UNC13B: variants seen among roughly 807,000 people sequenced by gnomAD.
UNC13B encodes the protein protein unc-13 homolog B.
In UNC13B, 144 loss-of-function variants were observed where a neutral mutation model predicts 211.0. That is an observed-to-expected ratio of 0.68 (90% CI 0.60 to 0.78). UNC13B has a LOEUF of 0.78. UNC13B is among the 30% of genes least tolerant of loss of function. The pLI, the probability that UNC13B is intolerant of heterozygous loss-of-function variation, is 0.00. For synonymous variants in UNC13B, 709 were observed against 725.8 expected (o/e 0.98, Z 0.37); for missense variants, 1,777 against 2,002.0 (o/e 0.89, Z 2.14).
At position 35,297,547 on chromosome 9, in the gene UNC13B, C is replaced by CTT. The variant is rs774525517; in HGVS notation, c.761+1636_761+1637dup. ...TGCATTCAGGAAGCACATACTTTGTCTTTTTTTTTTTTTTTTTTTTGAGAC... is the reference window on the plus strand; with the variant it reads ...TGCATTCAGGAAGCACATACTTTGTCTTTTTTTTTTTTTTTTTTTTTTGAGAC... On this transcript the variant is annotated intron_variant, in intron 8 of 39. Coordinates refer to ENST00000635942, the MANE Select transcript of UNC13B (RefSeq NM_001371189.2). Among the ~76,000 whole-genome samples, 133 of 100,842 alleles carry CTT rather than the reference C, an allele frequency of 1.3e-3. 5 individuals are homozygous for CTT. Among genetic ancestry groups the CTT allele is most frequent in the African/African-American group, 3.8e-3 (94 of 24,426 alleles). 66.2% of individuals were successfully genotyped at this position (100,842 alleles called of 152,430 possible).
chr9:35,304,540 C>T lies in UNC13B; in HGVS notation c.5136C>T (p.His1712=), dbSNP rs901989544. 19 of 398,588 alleles carry T rather than the reference C, an allele frequency of 4.8e-5. No individual in the cohort carries two copies. Among genetic ancestry groups the T allele is most frequent in the Non-Finnish European group, 7.5e-5 (17 of 225,894 alleles). 24.7% of individuals were successfully genotyped at this position (398,588 alleles called of 1,614,324 possible). A position where few individuals can be genotyped will look rare whatever the true frequency, so the allele number is the denominator to read the frequency against. ...NQPLAEDSSV[H]LSSFHWLQSS... ...CTCTAGCTGAAGATTCATCAGTTCA[C>T]CTTTCCAGTTTCCATTGGCTTCAGT... is the stretch of plus-strand genomic sequence containing the variant. The change falls in exon 9 of 40, where the codon CAC becomes CAT. Residue 1712 remains histidine (H), a synonymous_variant. Coordinates refer to ENST00000635942, the MANE Select transcript of UNC13B (RefSeq NM_001371189.2).
chr9:35,384,844 G>C, intron 22 of UNC13B: 1 of 753,456 alleles, frequency 1.3e-6, no homozygotes, highest in African/African-American at 1.9e-5. Context: ...TAAGGAAATG[G>C]GCAGTTTCTT....
At chr9:35,267,647 G>A (rs1156841806) in intron 7 of UNC13B, among the ~76,000 whole-genome samples, 1 of 152,106 alleles carries the variant, frequency 6.6e-6, no homozygotes, top group Non-Finnish European at 1.5e-5. Flanking sequence ...GGTGGTTGTT[G>A]CCTCTCTGGC....
chr9:35,355,595 C>G (rs937126567), intron 11 of UNC13B, among the ~76,000 whole-genome samples: 1 of 152,194 alleles, frequency 6.6e-6, no homozygotes, highest in African/African-American at 2.4e-5. Flanking sequence ...TACAAATTTG[C>G]CTTGCACTTT....
rs1319855033 is a variant in UNC13B at position 35,400,444 on chromosome 9, G to A, written c.12484+1G>A. The A allele has an allele frequency of 3.7e-6, 6 of 1,612,548 alleles. 1 individual carries two copies. The South Asian group carries it at 5.5e-5, about 15-fold the overall frequency. ...TTTGTGCGCTCGCAGACCACCCAAG[G>A]TAAGGCCCTGAGGGCTTTGGGTATC... On this transcript the variant is annotated splice_donor_variant, in intron 37 of 39. Coordinates refer to ENST00000635942, the MANE Select transcript of UNC13B (RefSeq NM_001371189.2). LOFTEE classifies it high-confidence loss of function.
At chr9:35,316,409 G>A (rs912636629) in intron 11 of UNC13B, among the ~76,000 whole-genome samples, 6 of 152,128 alleles carry the variant, frequency 3.9e-5, no homozygotes, top group African/African-American at 1.4e-4. Flanking sequence ...TGACCCTTCA[G>A]GGAGAAGATA....
intron 7 of UNC13B, among the ~76,000 whole-genome samples, chr9:35,265,841 C>T (rs1345638235): frequency 4.6e-5 from 7 of 151,838 alleles, no homozygotes; most frequent in Non-Finnish European, 7.4e-5. Flanking sequence ...CCTTTTTTTG[C>T]GATGGAGTCT....
intron 11 of UNC13B, chr9:35,352,920 A>G (rs1053383253): frequency 5.4e-5 from 67 of 1,232,108 alleles, no homozygotes; most frequent in Non-Finnish European, 6.5e-5. Context: ...AATGACTGCC[A>G]CGATAAAAGT....
In UNC13B at chr9:35,219,617, C is replaced by CAAAA. The variant is rs576502502; in HGVS notation, c.23-8383_23-8380dup. Reference sequence around the variant, plus strand: ...GGGTGACAGAGCAAGACCCTGTGTCCAAAAAAAAAAAAAAAAAAGTAAAGA... The same window carrying CAAAA: ...GGGTGACAGAGCAAGACCCTGTGTCCAAAAAAAAAAAAAAAAAAAAAAGTAAAGA... On this transcript the variant is annotated intron_variant, in intron 1 of 39. Transcript: ENST00000635942. 4.6e-5 allele frequency among the ~76,000 whole-genome samples: 3 copies of CAAAA among 65,442 alleles called. No individual in the cohort carries two copies. The East Asian group carries it at 9.1e-4, about 20-fold the overall frequency. 42.9% of individuals were successfully genotyped at this position (65,442 alleles called of 152,430 possible). A position where few individuals can be genotyped will look rare whatever the true frequency, so the allele number is the denominator to read the frequency against.
At chr9:35,328,813 G>A (rs1417253534) in intron 11 of UNC13B, among the ~76,000 whole-genome samples, 2 of 150,462 alleles carry the variant, frequency 1.3e-5, no homozygotes, top group Non-Finnish European at 3.0e-5. Context: ...TGTCGCCCAG[G>A]CTGGAGTGCA....
At chr9:35,328,084 G>A (rs573268561) in intron 11 of UNC13B, among the ~76,000 whole-genome samples, 6 of 152,008 alleles carry the variant, frequency 3.9e-5, no homozygotes, top group South Asian at 2.1e-4. Flanking sequence ...GCAGTGGCTC[G>A]ATCTCAGCTC....
intron 22 of UNC13B, chr9:35,384,622 A>G (rs1231863930): frequency 1.0e-6 from 1 of 985,336 alleles, no homozygotes; most frequent in Non-Finnish European, 1.2e-6. Context: ...CTCTTCCAGG[A>G]GTATCCTTTT....
chr9:35,312,923 TC>T (rs1263712288), intron 10 of UNC13B, among the ~76,000 whole-genome samples: 1 of 152,202 alleles, frequency 6.6e-6, no homozygotes, highest in Admixed American at 6.5e-5. Context: ...GTGTTTTTTT[TC>T]TTTTCTTTCT....
chr9:35,227,036 T>C (rs919553046), intron 1 of UNC13B, among the ~76,000 whole-genome samples: 3 of 152,240 alleles, frequency 2.0e-5, no homozygotes, highest in Non-Finnish European at 4.4e-5. Flanking sequence ...TTCAGAGAGA[T>C]GTGTATGTAC....
At chr9:35,214,554 G>A (rs544884638) in intron 1 of UNC13B, among the ~76,000 whole-genome samples, 8 of 152,196 alleles carry the variant, frequency 5.3e-5, no homozygotes, top group Non-Finnish European at 8.8e-5. Context: ...TTGAATTTTT[G>A]AATGTATACT....
intron 7 of UNC13B, among the ~76,000 whole-genome samples, chr9:35,260,936 G>A (rs1050038124): frequency 2.0e-5 from 3 of 152,172 alleles, no homozygotes; most frequent in Admixed American, 6.5e-5. Flanking sequence ...AAGCGCAAAT[G>A]CCAAGAGGGC....
intron 7 of UNC13B, among the ~76,000 whole-genome samples, chr9:35,266,727 C>T (rs770445843): frequency 9.2e-5 from 14 of 152,106 alleles, no homozygotes; most frequent in Non-Finnish European, 1.8e-4. Context: ...TCACTTTTAT[C>T]CTGTGAAGTT....
At chr9:35,220,766 T>C (rs1824524820) in intron 1 of UNC13B, among the ~76,000 whole-genome samples, 1 of 152,188 alleles carries the variant, frequency 6.6e-6, no homozygotes. Context: ...TTTTTTGGGG[T>C]ATATACCTAG....
chr9:35,353,309 C>G, intron 11 of UNC13B: 1 of 1,232,234 alleles, frequency 8.1e-7, no homozygotes, highest in African/African-American at 1.5e-5. Context: ...TCGTTCTGCT[C>G]TGCAGGGTGT....
Sources: gnomAD v4.1 joint callset for allele counts (sites outside exome capture counted in the v4.1 genomes callset) on GRCh38, gnomAD v4.1.1 for gene constraint, MANE v1.5 for transcripts, NCBI Gene and HGNC (gene_info 2026-07-23, HGNC 2026-07-21) for gene names.